The following RBMS3 variants were observed in gnomAD, a reference collection of about 807,000 sequenced individuals.
RBMS3 encodes RNA binding motif single stranded interacting protein 3, also known as RNA-binding motif, single-stranded-interacting protein 3.
In RBMS3, 27 loss-of-function variants were observed where a neutral mutation model predicts 66.8. The ratio of observed to expected loss-of-function variants is 0.40; its 90% CI spans 0.30 to 0.56. The LOEUF is 0.56. Ranked by LOEUF, RBMS3 falls within the 20% of genes least tolerant of loss-of-function variation. The probability of loss-of-function intolerance (pLI) is 0.40; values close to 1 mark genes in which losing one functional copy is unlikely to be tolerated. For synonymous variants in RBMS3, 188 were observed against 183.0 expected (o/e 1.03, Z -0.22); for missense variants, 513 against 549.5 (o/e 0.93, Z 0.66).
At chr3:29,317,310 T>C (rs72849594) in intron 1 of RBMS3, among the ~76,000 whole-genome samples, 4,630 of 151,900 alleles carry the variant, frequency 0.03, 244 homozygotes, top group African/African-American at 0.11. Context: ...TATCCTTATA[T>C]TTTTTCTATG....
At chr3:29,418,009 T>C (rs1307254686) in intron 1 of RBMS3, among the ~76,000 whole-genome samples, 1 of 151,454 alleles carries the variant, frequency 6.6e-6, no homozygotes, top group Non-Finnish European at 1.5e-5. Context: ...ATAGGCAAAA[T>C]TATAATGTCA....
intron 1 of RBMS3, among the ~76,000 whole-genome samples, chr3:29,294,002 A>G (rs760733290): frequency 1.1e-4 from 16 of 151,648 alleles, no homozygotes; most frequent in Non-Finnish European, 1.3e-4. Context: ...TTTCAAACAT[A>G]ACTGTACTCT....
chr3:29,732,932 A>T (rs1255183693), intron 4 of RBMS3, among the ~76,000 whole-genome samples: 1 of 152,052 alleles, frequency 6.6e-6, no homozygotes, highest in African/African-American at 2.4e-5. Flanking sequence ...CCCTTATGAT[A>T]TTGCTTATTC....
intron 2 of RBMS3, among the ~76,000 whole-genome samples, chr3:29,461,920 A>ATTTTTTTTTTT (rs61115023): frequency 1.9e-4 from 18 of 93,296 alleles, no homozygotes; most frequent in African/African-American, 6.1e-4. Context: ...TGCCCGGCTA[A>ATTTTTTTTTTT]TTTTTTTTTT....
intron 7 of RBMS3, among the ~76,000 whole-genome samples, chr3:29,872,761 G>T (rs2059523207): frequency 6.6e-6 from 1 of 152,138 alleles, no homozygotes; most frequent in East Asian, 1.9e-4. Context: ...GGCACAGCAG[G>T]ATTTTTATAC....
At chr3:29,844,918 A>G (rs1227667625) in intron 6 of RBMS3, among the ~76,000 whole-genome samples, 1 of 152,210 alleles carries the variant, frequency 6.6e-6, no homozygotes, top group African/African-American at 2.4e-5. Context: ...GAAAGTTAAG[A>G]TGTTGTTGGC....
intron 6 of RBMS3, among the ~76,000 whole-genome samples, chr3:29,844,912 G>A (rs966879989): frequency 1.3e-5 from 2 of 152,188 alleles, no homozygotes; most frequent in African/African-American, 2.4e-5. Flanking sequence ...ATATTAGAAA[G>A]TTAAGATGTT....
At chr3:29,811,723 C>A (rs1010398715) in intron 6 of RBMS3, among the ~76,000 whole-genome samples, 2 of 152,132 alleles carry the variant, frequency 1.3e-5, no homozygotes, top group Admixed American at 6.6e-5. Context: ...TGATTCAGAT[C>A]TCTGTGTCTG....
chr3:29,783,884 G>A (rs1296051955), intron 6 of RBMS3, among the ~76,000 whole-genome samples: 1 of 152,128 alleles, frequency 6.6e-6, no homozygotes, highest in Non-Finnish European at 1.5e-5. Flanking sequence ...CCAAAAGTGA[G>A]CAGGAGTAGC....
chr3:29,527,959 A>G (rs181761618), intron 3 of RBMS3, among the ~76,000 whole-genome samples: 114 of 148,336 alleles, frequency 7.7e-4, no homozygotes, highest in Non-Finnish European at 2.8e-4. Context: ...AAGAAATAGC[A>G]GATATAATCT....
rs186531401 is a variant in RBMS3, at chr3:29,829,271, A to C, written c.638-39587A>C. ...TATTGGTCAGGCTGGTCTTGAACTC[A>C]TGACCTCAGGTAATCCACCCGCCTT... On this transcript the variant is annotated intron_variant, in intron 6 of 14. Coordinates refer to ENST00000383767, the MANE Select transcript of RBMS3 (RefSeq NM_001003793.3). 6.3e-3 allele frequency among the ~76,000 whole-genome samples: 964 copies of C among 152,054 alleles called. 8 individuals carry two copies. Among genetic ancestry groups the C allele is most frequent in the African/African-American group, 0.021 (873 of 41,494 alleles).
chr3:29,836,467 AC>A (rs1220060631), intron 6 of RBMS3, among the ~76,000 whole-genome samples: 1 of 152,002 alleles, frequency 6.6e-6, no homozygotes, highest in African/African-American at 2.4e-5. Flanking sequence ...AAGAACATAT[AC>A]CGCAGCACCT....
intron 1 of RBMS3, among the ~76,000 whole-genome samples, chr3:29,302,749 C>A (rs1192454898): frequency 6.6e-6 from 1 of 151,964 alleles, no homozygotes; most frequent in African/African-American, 2.4e-5. Flanking sequence ...ACTCCCTTGC[C>A]AATAGAGAGA....
At chr3:29,478,381 G>A (rs958344740) in intron 2 of RBMS3, among the ~76,000 whole-genome samples, 1 of 152,126 alleles carries the variant, frequency 6.6e-6, no homozygotes, top group Non-Finnish European at 1.5e-5. Flanking sequence ...GTGCCTTCCA[G>A]CTTTGTCCTC....
At chr3:29,598,413 A>C (rs1559499123) in intron 4 of RBMS3, among the ~76,000 whole-genome samples, 1 of 152,102 alleles carries the variant, frequency 6.6e-6, no homozygotes, top group Non-Finnish European at 1.5e-5. Context: ...GTTAATAGGC[A>C]ACGGATTTCC....
chr3:29,464,015 A>G (rs1175487155), intron 2 of RBMS3, among the ~76,000 whole-genome samples: 1 of 152,008 alleles, frequency 6.6e-6, no homozygotes, highest in Non-Finnish European at 1.5e-5. Context: ...CCAATGAAAA[A>G]TTTTCTACAC....
At chr3:29,956,692 T>G (rs1490982011) in intron 12 of RBMS3, among the ~76,000 whole-genome samples, 1 of 152,152 alleles carries the variant, frequency 6.6e-6, no homozygotes, top group African/African-American at 2.4e-5. Context: ...GTAACTGCCA[T>G]CCTTTGGCAG....
intron 8 of RBMS3, among the ~76,000 whole-genome samples, chr3:29,895,008 C>G (rs1207369074): frequency 2.6e-5 from 4 of 151,408 alleles, no homozygotes; most frequent in African/African-American, 7.3e-5. Context: ...GTTAAGAAAA[C>G]AGTATCACAG....
At chr3:29,520,302 A>G (rs1199302463) in intron 3 of RBMS3, among the ~76,000 whole-genome samples, 1 of 152,188 alleles carries the variant, frequency 6.6e-6, no homozygotes, top group African/African-American at 2.4e-5. Context: ...CAAAATAATA[A>G]TATTTTTTAT....
Sources: allele counts gnomAD v4.1 joint callset (sites outside exome capture counted in the v4.1 genomes callset), GRCh38; gene constraint gnomAD v4.1.1; transcripts MANE v1.5; gene names NCBI Gene and HGNC (gene_info 2026-07-23, HGNC 2026-07-21).